Variants in SUGCT observed in about 807,000 individuals in gnomAD.
SUGCT encodes the protein succinyl-CoA:glutarate-CoA transferase.
A neutral mutation model predicts 55.0 loss-of-function variants in SUGCT; 41 were observed. The observed-to-expected ratio is 0.74, with a 90% CI of 0.58 to 0.97. The LOEUF (loss-of-function observed/expected upper bound fraction) is 0.97, where lower values mean the gene tolerates loss of function less well. Among genes scored for constraint, SUGCT ranks in the 50% least tolerant of loss-of-function variants. The pLI is 0.00. For missense variants in SUGCT, 568 were observed against 547.8 expected (o/e 1.04, Z -0.37); for synonymous variants, 187 against 200.4 (o/e 0.93, Z 0.56).
chr7:40,961,338 T>A, the SUGCT span, among the ~76,000 whole-genome samples: 4 of 151,906 alleles, frequency 2.6e-5, no homozygotes, highest in East Asian at 7.7e-4. Flanking sequence ...GGAGAGAGAG[T>A]GTGACCAAAG....
intron 12 of SUGCT, among the ~76,000 whole-genome samples, chr7:40,506,352 A>G (rs962335161): frequency 6.6e-6 from 1 of 152,208 alleles, no homozygotes; most frequent in East Asian, 1.9e-4. Context: ...GTTTGATAAT[A>G]AGTAATGTGG....
chr7:40,701,431 AC>A (rs1457030846), intron 12 of SUGCT, among the ~76,000 whole-genome samples: 5 of 152,246 alleles, frequency 3.3e-5, no homozygotes, highest in Middle Eastern at 3.4e-3. Context: ...GACCAAAGCT[AC>A]CTCTTCAGGG....
At chr7:40,974,246 G>A in the SUGCT span, among the ~76,000 whole-genome samples, 1 of 152,150 alleles carries the variant, frequency 6.6e-6, no homozygotes, top group Admixed American at 6.5e-5. Flanking sequence ...GGAAGAATCA[G>A]CCATTATTTT....
the SUGCT span, among the ~76,000 whole-genome samples, chr7:40,924,696 G>C: frequency 6.6e-6 from 1 of 151,914 alleles, no homozygotes; most frequent in East Asian, 1.9e-4. Context: ...AAACATGGAG[G>C]ACTATCTCTG....
At chr7:40,958,918 G>A in the SUGCT span, among the ~76,000 whole-genome samples, 1 of 152,180 alleles carries the variant, frequency 6.6e-6, no homozygotes, top group Non-Finnish European at 1.5e-5. Flanking sequence ...TAACAGTCAG[G>A]CCCCTCTGCT....
chr7:40,137,283 A>G (rs1207519256), intron 1 of SUGCT, among the ~76,000 whole-genome samples: 1 of 152,026 alleles, frequency 6.6e-6, no homozygotes, highest in Non-Finnish European at 1.5e-5. Flanking sequence ...TCATGCTACC[A>G]TGCCTGGCTA....
rs1794135308 is a variant in SUGCT at position 40,296,227 on chromosome 7, A to G, written c.721-20533A>G. 3.9e-5 allele frequency among the ~76,000 whole-genome samples: 6 copies of G among 152,218 alleles called. No individual in the cohort carries two copies. In the South Asian group the frequency reaches 1.0e-3, roughly 26 times the overall value. ...GAAAATAAAAGATAGGTTATTACTT[A>G]TGCTAGTTTCCTTTTTTTATGTGAA... On this transcript the variant is annotated intron_variant, in intron 8 of 13. Transcript: ENST00000335693.
chr7:40,458,464 G>A (rs1483505955), intron 10 of SUGCT, among the ~76,000 whole-genome samples: 1 of 152,082 alleles, frequency 6.6e-6, no homozygotes, highest in East Asian at 1.9e-4. Context: ...ATTACTTCAG[G>A]GAGATATATT....
intron 12 of SUGCT, among the ~76,000 whole-genome samples, chr7:40,617,549 G>T (rs1192160807): frequency 2.0e-5 from 3 of 149,352 alleles, no homozygotes; most frequent in Non-Finnish European, 4.5e-5. Context: ...TCTTCCAGGA[G>T]AAAAGAAATT....
At chr7:40,996,357 T>C in the SUGCT span, among the ~76,000 whole-genome samples, 3 of 152,200 alleles carry the variant, frequency 2.0e-5, no homozygotes, top group African/African-American at 7.2e-5. Context: ...CTTCTGCACC[T>C]GTGGGCTGAG....
chr7:40,200,240 A>G (rs1456744488), intron 6 of SUGCT, among the ~76,000 whole-genome samples: 1 of 152,146 alleles, frequency 6.6e-6, no homozygotes, highest in African/African-American at 2.4e-5. Flanking sequence ...AGGGCAAACA[A>G]TGTAGACATT....
chr7:40,930,733 G>T, the SUGCT span, among the ~76,000 whole-genome samples: 1 of 152,130 alleles, frequency 6.6e-6, no homozygotes, highest in Non-Finnish European at 1.5e-5. Context: ...GTCTGTTATT[G>T]GTGTATAGGA....
chr7:40,389,469 A>ACAAACAAACAAGCAAG lies in SUGCT; in HGVS notation c.817-59815_817-59814insACAAACAAGCAAGCAA, dbSNP rs10660450. On this transcript the variant is annotated intron_variant, in intron 9 of 13. Coordinates refer to ENST00000335693, the MANE Select transcript of SUGCT (RefSeq NM_001193313.2). ...AACAAACAAACAAACAAACAAACAA[A>ACAAACAAACAAGCAAG]CAAGCAAAAAGAAGAGTTACCGAAC... 9.4e-5 allele frequency among the ~76,000 whole-genome samples: 14 copies of ACAAACAAACAAGCAAG among 148,514 alleles called. No homozygotes were observed. In the South Asian group the frequency reaches 1.5e-3, roughly 16 times the overall value.
chr7:40,766,728 A>G (rs1788810511), intron 13 of SUGCT, among the ~76,000 whole-genome samples: 1 of 152,130 alleles, frequency 6.6e-6, no homozygotes, highest in Non-Finnish European at 1.5e-5. Context: ...AAATACACAT[A>G]TTTTTCATAT....
At chr7:40,299,242 AT>A (rs1794372416) in intron 8 of SUGCT, among the ~76,000 whole-genome samples, 1 of 152,168 alleles carries the variant, frequency 6.6e-6, no homozygotes, top group Non-Finnish European at 1.5e-5. Context: ...ACGAAAAACA[AT>A]AGGAAATGGT....
chr7:40,624,294 A>G (rs891305297), intron 12 of SUGCT, among the ~76,000 whole-genome samples: 3 of 152,186 alleles, frequency 2.0e-5, no homozygotes, highest in Admixed American at 6.5e-5. Context: ...CAAACTGGAA[A>G]TGGTTTGATA....
chr7:40,563,355 T>C (rs1049768062), intron 12 of SUGCT, among the ~76,000 whole-genome samples: 1 of 152,200 alleles, frequency 6.6e-6, no homozygotes, highest in Non-Finnish European at 1.5e-5. Context: ...TTAGAAGGGT[T>C]TGACAGTTCT....
At chr7:40,195,140 T>G (rs1786171530) in intron 6 of SUGCT, 80 bp downstream of exon 6, 1 of 1,356,664 alleles carries the variant, frequency 7.4e-7, no homozygotes, top group Non-Finnish European at 9.6e-7. Context: ...AACCTTTTGC[T>G]GGCTTTTTTT....
At chr7:40,978,133 G>T in the SUGCT span, among the ~76,000 whole-genome samples, 1 of 152,168 alleles carries the variant, frequency 6.6e-6, no homozygotes, top group African/African-American at 2.4e-5. Flanking sequence ...GTGGACTGAG[G>T]TGGCTGGCAC....
Sources: gnomAD v4.1 joint callset for allele counts (sites outside exome capture counted in the v4.1 genomes callset) on GRCh38, gnomAD v4.1.1 for gene constraint, MANE v1.5 for transcripts, NCBI Gene and HGNC (gene_info 2026-07-23, HGNC 2026-07-21) for gene names.